The following TMEFF2 variants were observed in gnomAD, a reference collection of about 807,000 sequenced individuals.
TMEFF2 encodes the protein transmembrane protein with EGF like and two follistatin like domains 2, also known as tomoregulin-2.
In TMEFF2, 28 loss-of-function variants were observed where a neutral mutation model predicts 53.8. The observed-to-expected ratio is 0.52, with a 90% CI of 0.39 to 0.71. TMEFF2 has a LOEUF of 0.71. Ranked by LOEUF, TMEFF2 falls within the 30% of genes least tolerant of loss-of-function variation. TMEFF2 has a pLI of 0.00. For missense variants in TMEFF2, 353 were observed against 455.2 expected (o/e 0.78, Z 2.04); for synonymous variants, 162 against 166.3 (o/e 0.97, Z 0.20).
intron 3 of TMEFF2, 31 bp downstream of exon 3, chr2:192,184,323 C>T (rs1427599134): frequency 3.1e-6 from 5 of 1,609,410 alleles, no homozygotes; most frequent in Non-Finnish European, 4.2e-6. Flanking sequence ...GGAATCCATG[C>T]AGAAGGTTTC....
chr2:191,957,701 A>G (rs1307632608), intron 7 of TMEFF2, among the ~76,000 whole-genome samples: 2 of 152,236 alleles, frequency 1.3e-5, no homozygotes, highest in South Asian at 4.1e-4. Context: ...ATGCATCATT[A>G]TGATGGGCAA....
intron 4 of TMEFF2, among the ~76,000 whole-genome samples, chr2:192,163,333 A>C (rs1690679865): frequency 6.6e-6 from 1 of 152,126 alleles, no homozygotes; most frequent in East Asian, 1.9e-4. Flanking sequence ...AATGAAAGAA[A>C]TGAAACTCCC....
intron 4 of TMEFF2, among the ~76,000 whole-genome samples, chr2:192,157,777 A>C (rs1690540953): frequency 6.6e-6 from 1 of 152,012 alleles, no homozygotes; most frequent in African/African-American, 2.4e-5. Context: ...AATTATTTTA[A>C]GTGTTAAAAA....
chr2:192,172,193 C>A (rs937077205), intron 4 of TMEFF2, among the ~76,000 whole-genome samples: 6 of 138,376 alleles, frequency 4.3e-5, no homozygotes, highest in African/African-American at 1.6e-4. Context: ...CTCATATGGG[C>A]CACGCTGTGT....
intron 5 of TMEFF2, among the ~76,000 whole-genome samples, chr2:192,051,837 A>G (rs563769317): frequency 6.6e-6 from 1 of 152,296 alleles, no homozygotes; most frequent in Non-Finnish European, 1.5e-5. Flanking sequence ...ACACCCAGAA[A>G]AGAAATGCCA....
chr2:192,003,428 T>C (rs1005368971), intron 5 of TMEFF2, among the ~76,000 whole-genome samples: 3 of 152,106 alleles, frequency 2.0e-5, no homozygotes, highest in Admixed American at 6.5e-5. Flanking sequence ...TTTGAGTAAA[T>C]AGGATTTGAA....
Position 192,191,953 on chromosome 2 carries a change from T to C in TMEFF2, c.209A>G (p.Asp70Gly). 6.2e-7 allele frequency: 1 copy of C among 1,613,534 alleles called. No homozygotes were observed. ...CCCATCAAATTTACAGGTGTTGGTGTCACAGAGGAAGAGATCATTTTCTCT... is the reference window on the plus strand; with the variant it reads ...CCCATCAAATTTACAGGTGTTGGTGCCACAGAGGAAGAGATCATTTTCTCT... ...DDRENDLFLC[D>G]TNTCKFDGEC... The change falls in exon 2 of 10, where the codon GAC (aspartate) becomes GGC (glycine). Residue 70 changes from aspartate to glycine, a missense_variant. Physicochemically the swap from Asp to Gly is moderately conservative, Grantham distance 94 (BLOSUM62 -1). Around this residue, in one of 3 missense-constraint regions of TMEFF2, gnomAD observed 294 missense variants for 397.3 expected, o/e 0.74. Coordinates refer to ENST00000272771, the MANE Select transcript of TMEFF2 (RefSeq NM_016192.4).
chr2:192,191,856 A>C, intron 2 of TMEFF2, 24 bp downstream of exon 2: 1 of 1,462,686 alleles, frequency 6.8e-7, no homozygotes. Flanking sequence ...ATGAATTAGA[A>C]GATGCAAATA....
At chr2:192,007,638 G>C (rs1255685920) in intron 5 of TMEFF2, among the ~76,000 whole-genome samples, 2 of 152,170 alleles carry the variant, frequency 1.3e-5, no homozygotes, top group African/African-American at 4.8e-5. Flanking sequence ...CCAGTCCAAG[G>C]AGTGACCTTT....
intron 5 of TMEFF2, among the ~76,000 whole-genome samples, chr2:192,038,926 T>G (rs1687403292): frequency 6.6e-6 from 1 of 152,202 alleles, no homozygotes; most frequent in Non-Finnish European, 1.5e-5. Flanking sequence ...TAGCCAATGT[T>G]ATAGGCAGCA....
intron 3 of TMEFF2, among the ~76,000 whole-genome samples, chr2:192,180,665 T>C (rs1462673905): frequency 6.6e-6 from 1 of 151,736 alleles, no homozygotes; most frequent in East Asian, 1.9e-4. Context: ...CTTAAGAATT[T>C]ACGGTCCAAT....
intron 4 of TMEFF2, among the ~76,000 whole-genome samples, chr2:192,073,031 A>G (rs1296254014): frequency 4.6e-5 from 7 of 151,992 alleles, no homozygotes; most frequent in African/African-American, 7.2e-5. Context: ...GTTCAAAGAG[A>G]AAGGTTGTTA....
At chr2:191,997,471 C>T (rs1574277015) in intron 7 of TMEFF2, among the ~76,000 whole-genome samples, 2 of 151,320 alleles carry the variant, frequency 1.3e-5, no homozygotes, top group East Asian at 3.9e-4. Context: ...GAATATTTAC[C>T]ATAAATCTAG....
chr2:192,064,911 T>G (rs902857544), intron 4 of TMEFF2, among the ~76,000 whole-genome samples: 2 of 151,868 alleles, frequency 1.3e-5, no homozygotes, highest in Admixed American at 1.3e-4. Context: ...AATATGCCAT[T>G]GATTCTGTAA....
chr2:192,036,818 A>T (rs891800656), intron 5 of TMEFF2: 1 of 152,194 alleles, frequency 6.6e-6, no homozygotes, highest in South Asian at 2.1e-4. Flanking sequence ...GGCTCTCGCT[A>T]TTTGACTAAA....
intron 4 of TMEFF2, among the ~76,000 whole-genome samples, chr2:192,149,692 G>T (rs1004097713): frequency 2.0e-5 from 3 of 151,876 alleles, no homozygotes; most frequent in African/African-American, 7.3e-5. Flanking sequence ...GATAGTAATG[G>T]TTATACTACT....
intron 5 of TMEFF2, among the ~76,000 whole-genome samples, chr2:192,002,929 G>A (rs1300772483): frequency 6.6e-6 from 1 of 152,178 alleles, no homozygotes; most frequent in African/African-American, 2.4e-5. Context: ...GTTTCCAAAA[G>A]ACCAATAAAC....
chr2:192,052,757 TTTC>T (rs1343699988), intron 5 of TMEFF2, among the ~76,000 whole-genome samples: 2 of 152,172 alleles, frequency 1.3e-5, no homozygotes, highest in Non-Finnish European at 2.9e-5. Flanking sequence ...TTTTAATCCC[TTTC>T]TTCTTCTCTT....
chr2:192,188,192 A>G (rs1691362183), intron 2 of TMEFF2, among the ~76,000 whole-genome samples: 1 of 152,228 alleles, frequency 6.6e-6, no homozygotes, highest in South Asian at 2.1e-4. Context: ...AAATGTAAAA[A>G]AATTATGATT....
Sources: allele counts gnomAD v4.1 joint callset (sites outside exome capture counted in the v4.1 genomes callset), GRCh38; gene constraint gnomAD v4.1.1; regional missense constraint gnomAD v4.1.1; transcripts MANE v1.5; gene names NCBI Gene and HGNC (gene_info 2026-07-23, HGNC 2026-07-21).